FANCA: variants seen among roughly 807,000 people sequenced by gnomAD.
The protein encoded by FANCA is Fanconi anemia group A protein.
FANCA carries 236 observed loss-of-function variants against 194.3 expected under a neutral mutation model. The observed-to-expected ratio is 1.21, with a 90% CI of 1.09 to 1.35. The LOEUF is 1.35. Among genes scored for constraint, FANCA ranks in the 40% most tolerant of loss-of-function variants. The probability of loss-of-function intolerance (pLI) is 0.00; values close to 1 mark genes in which losing one functional copy is unlikely to be tolerated. For missense variants in FANCA, 2,628 were observed against 1,813.9 expected (o/e 1.45, Z -8.15); for synonymous variants, 1,014 against 715.8 (o/e 1.42, Z -6.65).
At chr16:89,791,268 C>T in intron 14 of FANCA, 135 bp downstream of exon 14, 1 of 1,227,412 alleles carries the variant, frequency 8.1e-7, no homozygotes, top group Non-Finnish European at 1.2e-6. Flanking sequence ...GGAAGATCTG[C>T]CAAGGCCACT....
At chr16:89,790,775 A>G (rs1598150366) in intron 14 of FANCA, among the ~76,000 whole-genome samples, 1 of 151,184 alleles carries the variant, frequency 6.6e-6, no homozygotes, top group African/African-American at 2.4e-5. Context: ...GACATTGTAT[A>G]CTCTGCAAAA....
At position 89,738,327 on chromosome 16, in the gene FANCA, A is replaced by G. The variant is rs923174934; in HGVS notation, c.*274T>C. On this transcript the variant is annotated 3_prime_UTR_variant, in exon 43 of 43. Transcript: ENST00000389301. ...AGCCTCACCCTTCGTGTGCACCCGC[A>G]TGGGAGGGTCGGAGGGTGCTGCCCG... 6.0e-6 allele frequency: 9 copies of G among 1,509,228 alleles called. No individual in the cohort carries two copies. The highest frequency in any genetic ancestry group is 4.1e-5 in the African/African-American group (3 of 72,448). 93.5% of individuals were successfully genotyped at this position (1,509,228 alleles called of 1,614,324 possible).
chr16:89,814,433 T>C (rs1166540472), intron 3 of FANCA, 87 bp downstream of exon 3: 117 of 1,058,560 alleles, frequency 1.1e-4, no homozygotes, highest in Non-Finnish European at 1.6e-4. Context: ...TGAGAAAATT[T>C]ACATTTCTAC....
intron 36 of FANCA, among the ~76,000 whole-genome samples, chr16:89,744,110 G>A (rs555377603): frequency 6.6e-6 from 1 of 152,246 alleles, no homozygotes; most frequent in East Asian, 1.9e-4. Flanking sequence ...GGCCAGGCTG[G>A]TCTCAAACTC....
At chr16:89,768,799 G>T (rs1367998247) in intron 26 of FANCA, among the ~76,000 whole-genome samples, 1 of 152,146 alleles carries the variant, frequency 6.6e-6, no homozygotes, top group Non-Finnish European at 1.5e-5. Flanking sequence ...TATATCCTGA[G>T]GCATCTCTGT....
intron 7 of FANCA, 135 bp downstream of exon 7, chr16:89,805,145 G>GGA: frequency 1.4e-6 from 1 of 708,000 alleles, no homozygotes; most frequent in Admixed American, 2.1e-5. Flanking sequence ...GCTGAGACTG[G>GGA]GAGTCTGTCA....
In FANCA at chr16:89,816,604, C is replaced by T. The variant is rs1009539881; in HGVS notation, c.12G>A (p.Ser4=). MSD[S]WVPNSASGQD... is the part of the protein sequence containing the mutation. ...GGCCCGAGGCGGAGTTCGGGACCCA[C>T]GAGTCGGACATGGCCTTGGCGCCTA... Residue 4 remains serine, a synonymous_variant, in exon 1 of 43, where the codon TCG becomes TCA. Transcript: ENST00000389301. 2.0e-6 allele frequency: 3 copies of T among 1,526,238 alleles called. No individual in the cohort carries two copies. Among genetic ancestry groups the T allele is most frequent in the East Asian group, 5.1e-5 (2 of 39,478 alleles). The allele number at this position is 1,526,238 out of a possible 1,614,324, so 94.5% of individuals were successfully genotyped here. A position where few individuals can be genotyped will look rare whatever the true frequency, so the allele number is the denominator to read the frequency against.
At chr16:89,762,745 C>A (rs775667070) in intron 28 of FANCA, 5 of 453,026 alleles carry the variant, frequency 1.1e-5, no homozygotes, top group South Asian at 6.2e-5. Context: ...AATTCTCCCC[C>A]TCAGCCTCTC....
chr16:89,776,090 T>C (rs2039491874), intron 20 of FANCA, among the ~76,000 whole-genome samples: 1 of 150,692 alleles, frequency 6.6e-6, no homozygotes, highest in South Asian at 2.1e-4. Flanking sequence ...AGTGAAATTA[T>C]AAATTATTTC....
intron 14 of FANCA, chr16:89,791,005 TTGTGTGTG>T (rs1287893743): frequency 8.7e-5 from 20 of 230,708 alleles, no homozygotes; most frequent in East Asian, 1.0e-4. Context: ...AGTTTTTGTT[TTGTGTGTG>T]TGTGTGTGTG....
chr16:89,810,619 G>GAAA, intron 5 of FANCA, 88 bp downstream of exon 5: 1 of 883,854 alleles, frequency 1.1e-6, no homozygotes, highest in Non-Finnish European at 1.9e-6. Flanking sequence ...GAATTCCCAA[G>GAAA]AAAACCCAGG....
rs776254513 is a variant in FANCA at position 89,758,562 on chromosome 16, G to C, written c.2981+15C>G. The C allele has an allele frequency of 3.7e-6, 6 of 1,612,670 alleles. No individual in the cohort carries two copies. The African/African-American group carries it at 6.7e-5, about 18-fold the overall frequency. ...TGTCCCTCCAGAGAACCCTAATACA[G>C]TGTGTGCTGCTAACCTTTGGTGGAA... On this transcript the variant is annotated intron_variant, in intron 30 of 42. Coordinates refer to ENST00000389301, the MANE Select transcript of FANCA (RefSeq NM_000135.4).
At position 89,749,860 on chromosome 16, in the gene FANCA, G is replaced by A. The variant is rs771174892; in HGVS notation, c.3109C>T (p.Pro1037Ser). Residue 1037 changes from proline (P) to serine (S), a missense_variant, in exon 32 of 43, where the codon CCT becomes TCT. By Grantham distance (74) the Pro-to-Ser change is moderately conservative (BLOSUM62 -1). Coordinates refer to ENST00000389301, the MANE Select transcript of FANCA (RefSeq NM_000135.4). ...DLELQQDLIV[P>S]LGHTPSQEHF... ...TCCTGGGAAGGGGTGTGGCCGAGAGGCACTATGAGGTCTTGCTGCAGCTCC... is the reference window on the plus strand; with the variant it reads ...TCCTGGGAAGGGGTGTGGCCGAGAGACACTATGAGGTCTTGCTGCAGCTCC... 2 of 1,614,202 alleles carry A rather than the reference G, an allele frequency of 1.2e-6. No homozygotes were observed. Among genetic ancestry groups the A allele is most frequent in the South Asian group, 2.2e-5 (2 of 91,090 alleles).
intron 28 of FANCA, 26 bp downstream of exon 28, chr16:89,764,863 GA>G: frequency 6.2e-7 from 1 of 1,611,032 alleles, no homozygotes; most frequent in East Asian, 2.2e-5. Context: ...GACGTGGCAT[GA>G]TGCAGGAGAA....
intron 6 of FANCA, among the ~76,000 whole-genome samples, chr16:89,806,347 C>CCTTT (rs2040643507): frequency 9.1e-6 from 1 of 110,452 alleles, no homozygotes; most frequent in African/African-American, 3.6e-5. Flanking sequence ...CTATATCATT[C>CCTTT]TTTTTTTTTT....
chr16:89,797,004 GA>G (rs2040271050), intron 10 of FANCA, among the ~76,000 whole-genome samples: 1 of 151,582 alleles, frequency 6.6e-6, no homozygotes, highest in East Asian at 2.0e-4. Context: ...TAAAAAAATA[GA>G]AAAAATTAGC....
intron 15 of FANCA, among the ~76,000 whole-genome samples, chr16:89,783,739 G>T (rs533443348): frequency 1.3e-5 from 2 of 152,148 alleles, no homozygotes; most frequent in South Asian, 2.1e-4. Flanking sequence ...TTGACTTCCT[G>T]GTCAAAGGGG....
At chr16:89,812,694 T>C (rs1025363565) in intron 3 of FANCA, among the ~76,000 whole-genome samples, 14 of 146,146 alleles carry the variant, frequency 9.6e-5, no homozygotes, top group Admixed American at 8.3e-4. Context: ...TACGAACCTG[T>C]TATTGTAATG....
chr16:89,770,414 C>T (rs1243633818), intron 24 of FANCA, 150 bp downstream of exon 24: 1 of 1,021,356 alleles, frequency 9.8e-7, no homozygotes, highest in East Asian at 2.6e-5. Flanking sequence ...CAGTGCTTCC[C>T]AACTTCTGCT....
Sources: gnomAD v4.1 joint callset for allele counts (sites outside exome capture counted in the v4.1 genomes callset) on GRCh38, gnomAD v4.1.1 for gene constraint, MANE v1.5 for transcripts, NCBI Gene and HGNC (gene_info 2026-07-23, HGNC 2026-07-21) for gene names.